ZNF268: variants seen among roughly 807,000 people sequenced by gnomAD.
ZNF268 encodes zinc finger protein 268.
In ZNF268, 20 loss-of-function variants were observed where a neutral mutation model predicts 29.3. The ratio of observed to expected loss-of-function variants is 0.68; its 90% CI spans 0.48 to 0.99. The LOEUF is 0.99. Ranked by LOEUF, ZNF268 falls within the 50% of genes least tolerant of loss-of-function variation. The probability of loss-of-function intolerance (pLI) is 0.00; values close to 1 mark genes in which losing one functional copy is unlikely to be tolerated. For synonymous variants in ZNF268, 429 were observed against 376.9 expected (o/e 1.14, Z -1.60); for missense variants, 1,240 against 1,121.6 (o/e 1.11, Z -1.51).
chr12:133,188,248 G>A, intron 3 of ZNF268, 176 bp downstream of exon 3: 1 of 603,638 alleles, frequency 1.7e-6, no homozygotes. Context: ...CCAGAGTGGA[G>A]CGCAGTGGTG....
intron 5 of ZNF268, among the ~76,000 whole-genome samples, chr12:133,195,420 A>G (rs1372932916): frequency 6.6e-6 from 1 of 152,202 alleles, no homozygotes; most frequent in Non-Finnish European, 1.5e-5. Flanking sequence ...TACAGGAACC[A>G]TGTGCCAGGT....
chr12:133,188,115 CTT>C (rs11427950), intron 3 of ZNF268, 43 bp downstream of exon 3: 2,578 of 1,309,906 alleles, frequency 2.0e-3, no homozygotes, highest in Admixed American at 2.9e-3. Context: ...TCTTTATTAC[CTT>C]TTTTTTTTTT....
rs765628026 is a variant in ZNF268, at chr12:133,203,155, A to G, written c.1469A>G (p.His490Arg). The G allele has an allele frequency of 5.5e-5, 84 of 1,537,624 alleles. No homozygotes were observed. Among genetic ancestry groups the G allele is most frequent in the Non-Finnish European group, 5.6e-5 (64 of 1,146,838 alleles). Residue 490 changes from histidine (H) to arginine (R), a missense_variant, in exon 6 of 6, where the codon CAT (histidine) becomes CGT (arginine). Physicochemically the swap from His to Arg is conservative, Grantham distance 29. Around this residue, in one of 3 missense-constraint regions of ZNF268, gnomAD observed 1,177 missense variants for 1,039.6 expected, o/e 1.13. Coordinates refer to ENST00000536435, the MANE Select transcript of ZNF268 (RefSeq NM_003415.3). ...AGTTTGAAATCACAGCTCATTGTACATCAGAGAAGTCACACAGGAATGAAA... is the reference window on the plus strand; with the variant it reads ...AGTTTGAAATCACAGCTCATTGTACGTCAGAGAAGTCACACAGGAATGAAA... ...GFSLKSQLIV[H>R]QRSHTGMKPY...
intron 5 of ZNF268, among the ~76,000 whole-genome samples, chr12:133,194,922 T>TGAACACCACATGG (rs1430884397): frequency 3.0e-5 from 2 of 66,802 alleles, no homozygotes; most frequent in South Asian, 3.9e-4. Flanking sequence ...TTGTACTACA[T>TGAACACCACATGG]TAATACAAGT....
chr12:133,209,983 C>T lies in ZNF268; in HGVS notation c.*5453C>T, dbSNP rs1246014192. ...TGGGATTTCTCCCCAGAAACAAACC[C>T]ATATGTATAAAAAGTAGTTGGGCTT... On this transcript the variant is annotated 3_prime_UTR_variant, in exon 6 of 6. Coordinates refer to ENST00000536435, the MANE Select transcript of ZNF268 (RefSeq NM_003415.3). The T allele has an allele frequency of 1.3e-5, 2 of 152,172 alleles. No homozygotes were observed. The allele number at this position is 152,172 out of a possible 1,614,324, so 9.4% of individuals were successfully genotyped here.
Position 133,207,950 on chromosome 12 carries a change from T to A in ZNF268, c.*3420T>A, listed in dbSNP as rs757124386. 9.9e-5 allele frequency: 15 copies of A among 152,234 alleles called. No individual in the cohort carries two copies. Among genetic ancestry groups the A allele is most frequent in the Non-Finnish European group, 1.8e-4 (12 of 68,038 alleles). The allele number at this position is 152,234 out of a possible 1,614,324, so 9.4% of individuals were successfully genotyped here. On this transcript the variant is annotated 3_prime_UTR_variant, in exon 6 of 6. Coordinates refer to ENST00000536435, the MANE Select transcript of ZNF268 (RefSeq NM_003415.3). ...ACACCCATAGATGACACTAAAATAC[T>A]ATTAAGTTGGGAATTAAAATTAACT...
intron 5 of ZNF268, chr12:133,193,570 A>T: frequency 4.7e-6 from 3 of 632,056 alleles, no homozygotes; most frequent in Middle Eastern, 2.7e-4. Flanking sequence ...GGGGCAAAAA[A>T]GGCCTAAGAT....
At position 133,204,430 on chromosome 12, in the gene ZNF268, C is replaced by A; in HGVS notation, c.2744C>A (p.Thr915Lys). 2.6e-6 allele frequency: 4 copies of A among 1,566,116 alleles called. No individual in the cohort carries two copies. The highest frequency in any genetic ancestry group is 3.4e-6 in the Non-Finnish European group (4 of 1,161,144). The change falls in exon 6 of 6, where the codon ACA becomes AAA. Residue 915 changes from threonine to lysine, a missense_variant. This residue lies in a region of ZNF268 where 1,177 missense variants were observed against 1,039.6 expected (regional missense o/e 1.13). Transcript: ENST00000536435. The stretch of plus-strand genomic sequence containing the variant: ...CTCAGTGCACATCAGAGAACACATA[C>A]AGGAGAGAAGCCTTGTAAGTGCACT... ...SILSAHQRTH[T>K]GEKPCKCTEC...
chr12:133,196,978 A>G (rs1242576882), intron 5 of ZNF268, among the ~76,000 whole-genome samples: 2 of 151,278 alleles, frequency 1.3e-5, no homozygotes, highest in Non-Finnish European at 2.9e-5. Context: ...TTTAATATTA[A>G]TACCTTTAAT....
In ZNF268 at chr12:133,208,539, C is replaced by T. The variant is rs1332212315; in HGVS notation, c.*4009C>T. On this transcript the variant is annotated 3_prime_UTR_variant, in exon 6 of 6. Coordinates refer to ENST00000536435, the MANE Select transcript of ZNF268 (RefSeq NM_003415.3). Reference sequence around the variant, plus strand: ...GTGTAGTGGCAAGTGCCGGTAGTCCCACCTACTGAGGAGGCTGAGGCAGGA... The same window carrying T: ...GTGTAGTGGCAAGTGCCGGTAGTCCTACCTACTGAGGAGGCTGAGGCAGGA... 1 of 152,354 alleles carries T rather than the reference C, an allele frequency of 6.6e-6. No individual in the cohort carries two copies. The highest frequency in any genetic ancestry group is 2.4e-5 in the African/African-American group (1 of 41,550). The allele number at this position is 152,354 out of a possible 1,614,324, so 9.4% of individuals were successfully genotyped here.
rs1302945052 is a variant in ZNF268, at chr12:133,205,037, AG to A, written c.*508del. 5.3e-5 allele frequency: 8 copies of A among 151,950 alleles called. No homozygotes were observed. The highest frequency in any genetic ancestry group is 1.7e-4 in the African/African-American group (7 of 41,310). 9.4% of individuals were successfully genotyped at this position (151,950 alleles called of 1,614,324 possible). On this transcript the variant is annotated 3_prime_UTR_variant, in exon 6 of 6. Transcript: ENST00000536435. ...ATGCTATAAGGGAAAGTGTAAATCT[AG>A]AAATGAGAAACCCCTAGGGAAAAAA...
At chr12:133,198,973 G>A (rs546475983) in intron 5 of ZNF268, among the ~76,000 whole-genome samples, 14 of 149,536 alleles carry the variant, frequency 9.4e-5, no homozygotes, top group South Asian at 2.1e-4. Context: ...CAATCATGTC[G>A]TCTGCAAACA....
intron 5 of ZNF268, among the ~76,000 whole-genome samples, chr12:133,194,980 A>G (rs537703565): frequency 7.5e-5 from 5 of 66,664 alleles, no homozygotes; most frequent in African/African-American, 2.1e-4. Context: ...TTTATGGTCT[A>G]TAGACCTATA....
intron 2 of ZNF268, among the ~76,000 whole-genome samples, chr12:133,183,066 G>A (rs566426239): frequency 1.3e-5 from 2 of 152,280 alleles, no homozygotes; most frequent in South Asian, 4.1e-4. Flanking sequence ...ATTGTGAACT[G>A]CGCATGCGAA....
At position 133,210,394 on chromosome 12, in the gene ZNF268, T is replaced by C. The variant is rs1956960174; in HGVS notation, c.*5864T>C. 1 of 184,560 alleles carries C rather than the reference T, an allele frequency of 5.4e-6. No individual in the cohort carries two copies. Among genetic ancestry groups the C allele is most frequent in the South Asian group, 1.2e-4 (1 of 8,484 alleles). The allele number at this position is 184,560 out of a possible 1,614,324, so 11.4% of individuals were successfully genotyped here. On this transcript the variant is annotated 3_prime_UTR_variant, in exon 6 of 6. Transcript: ENST00000536435. ...GAGGAGGATACTCTGGTCATCACTGTGATCTACCTCCCAGGGGTCCCCAGG... is the reference window on the plus strand; with the variant it reads ...GAGGAGGATACTCTGGTCATCACTGCGATCTACCTCCCAGGGGTCCCCAGG...
rs1174523338 is a variant in ZNF268 at position 133,204,170 on chromosome 12, A to G, written c.2484A>G (p.Arg828=). ...IWKSLLIVHE[R]THAGVNPYKC... is the part of the protein sequence containing the mutation. ...AATCACTACTCATTGTACATGAGCG[A>G]ACTCATGCAGGGGTCAACCCTTATA... Residue 828 remains arginine, a synonymous_variant, in exon 6 of 6, where the codon CGA becomes CGG. Transcript: ENST00000536435. 2 of 1,541,606 alleles carry G rather than the reference A, an allele frequency of 1.3e-6. No individual in the cohort carries two copies. Among genetic ancestry groups the G allele is most frequent in the African/African-American group, 2.7e-5 (2 of 73,034 alleles).
chr12:133,194,872 A>G (rs933116586), intron 5 of ZNF268, among the ~76,000 whole-genome samples: 8 of 152,232 alleles, frequency 5.3e-5, no homozygotes, highest in African/African-American at 1.9e-4. Context: ...CTTCCCAGCC[A>G]TCCATCTTCA....
intron 5 of ZNF268, among the ~76,000 whole-genome samples, chr12:133,198,688 G>T: frequency 6.6e-6 from 1 of 151,148 alleles, no homozygotes; most frequent in Non-Finnish European, 1.5e-5. Context: ...TCTTCCATTT[G>T]TTTGTATCTT....
At position 133,211,641 on chromosome 12, in the gene ZNF268, C is replaced by T. The variant is rs1214350773; in HGVS notation, c.*7111C>T. 2 of 152,318 alleles carry T rather than the reference C, an allele frequency of 1.3e-5. No homozygotes were observed. Among genetic ancestry groups the T allele is most frequent in the East Asian group, 3.9e-4 (2 of 5,192 alleles). The allele number at this position is 152,318 out of a possible 1,614,324, so 9.4% of individuals were successfully genotyped here. ...GCAAATAAGCATACCAAATAATGCTCAGTGACACTTGTCATGAGGGAAAAG... is the reference window on the plus strand; with the variant it reads ...GCAAATAAGCATACCAAATAATGCTTAGTGACACTTGTCATGAGGGAAAAG... On this transcript the variant is annotated 3_prime_UTR_variant, in exon 6 of 6. Coordinates refer to ENST00000536435, the MANE Select transcript of ZNF268 (RefSeq NM_003415.3).
Sources: gnomAD v4.1 joint callset for allele counts (sites outside exome capture counted in the v4.1 genomes callset) on GRCh38, gnomAD v4.1.1 for gene constraint, gnomAD v4.1.1 regional missense constraint, MANE v1.5 for transcripts, NCBI Gene and HGNC (gene_info 2026-07-23, HGNC 2026-07-21) for gene names.